Variants in MOSPD1 observed in about 807,000 individuals in gnomAD.
The protein encoded by MOSPD1 is motile sperm domain containing 1.
A neutral mutation model predicts 16.7 loss-of-function variants in MOSPD1; 5 were observed. The ratio of observed to expected loss-of-function variants is 0.30; its 90% CI spans 0.16 to 0.63. The LOEUF (loss-of-function observed/expected upper bound fraction) is 0.63. Among genes scored for constraint, MOSPD1 ranks in the 30% least tolerant of loss-of-function variants. The probability of loss-of-function intolerance (pLI) is 0.82; values close to 1 mark genes in which losing one functional copy is unlikely to be tolerated. For missense variants in MOSPD1, 104 were observed against 153.6 expected, an observed-to-expected ratio of 0.68 and a Z score of 1.71; for synonymous variants, 67 against 59.2, an observed-to-expected ratio of 1.13 and a Z score of -0.61.
chrX:134,891,463 T>G lies in MOSPD1; in HGVS notation c.610+16A>C. The G allele has an allele frequency of 8.3e-7, 1 of 1,205,897 alleles. No individual in the cohort carries two copies. Among genetic ancestry groups the G allele is most frequent in the Non-Finnish European group, 1.1e-6 (1 of 891,938 alleles). ...GCCCTACACATATGTCCCAAATGCA[T>G]CTTTAAAACCCTTACCTAAGATATA... On this transcript the variant is annotated intron_variant, in intron 5 of 5. Transcript: ENST00000370783.
At chrX:134,912,201 C>T (rs995750095) in intron 1 of MOSPD1, among the ~76,000 whole-genome samples, 1 of 111,608 alleles carries the variant, frequency 9.0e-6, no homozygotes, top group Admixed American at 9.5e-5. Flanking sequence ...AGGCATGCGC[C>T]CCACGCCTGC....
At position 134,891,660 on chromosome X, in the gene MOSPD1, C is replaced by T. The variant is rs1236748186; in HGVS notation, c.449-20G>A. 1 of 1,200,308 alleles carries T rather than the reference C, an allele frequency of 8.3e-7. No homozygotes were observed. Among genetic ancestry groups the T allele is most frequent in the Admixed American group, 2.3e-5 (1 of 43,833 alleles). On this transcript the variant is annotated intron_variant, in intron 4 of 5. Transcript: ENST00000370783. Reference sequence around the variant, plus strand: ...TGTTTTCTGTAAAAAGACAAAAATCCCTAAGCTTCCTTCTAAAAACTTTAA... The same window carrying T: ...TGTTTTCTGTAAAAAGACAAAAATCTCTAAGCTTCCTTCTAAAAACTTTAA...
At chrX:134,895,813 C>T (rs1163811511) in intron 4 of MOSPD1, among the ~76,000 whole-genome samples, 1 of 110,271 alleles carries the variant, frequency 9.1e-6, no homozygotes, top group African/African-American at 3.3e-5. Context: ...TGGCAAAAAT[C>T]GCAATTGCTT....
intron 3 of MOSPD1, among the ~76,000 whole-genome samples, chrX:134,898,232 G>A (rs779113561): frequency 5.4e-5 from 6 of 111,212 alleles, no homozygotes; most frequent in South Asian, 7.5e-4. Context: ...TATTTTGTTC[G>A]TACTAGGGAA....
chrX:134,897,048 A>G lies in MOSPD1; in HGVS notation c.231-14T>C. 8.8e-7 allele frequency: 1 copy of G among 1,132,511 alleles called. No homozygotes were observed. Among genetic ancestry groups the G allele is most frequent in the Non-Finnish European group, 1.2e-6 (1 of 828,202 alleles). 93.3% of individuals were successfully genotyped at this position (1,132,511 alleles called of 1,213,427 possible). On this transcript the variant is annotated splice_polypyrimidine_tract_variant and intron_variant, in intron 3 of 5. Coordinates refer to ENST00000370783, the MANE Select transcript of MOSPD1 (RefSeq NM_019556.3). ...TGACGAATCACACTGAAAACAGCAA[A>G]AATAACAAATGCTGTTTAGATTTCT...
chrX:134,902,784 A>AT (rs1468006840), intron 1 of MOSPD1, among the ~76,000 whole-genome samples: 1 of 104,188 alleles, frequency 9.6e-6, no homozygotes, highest in Non-Finnish European at 1.9e-5. Context: ...ACAAACTGAG[A>AT]TTTTGTCTCA....
At chrX:134,907,158 G>T (rs780473070) in intron 1 of MOSPD1, among the ~76,000 whole-genome samples, 8 of 110,689 alleles carry the variant, frequency 7.2e-5, no homozygotes, top group Non-Finnish European at 1.3e-4. Flanking sequence ...AATCCGGGAG[G>T]TGGAGGTTGT....
At chrX:134,892,036 A>C (rs1268844726) in intron 4 of MOSPD1, among the ~76,000 whole-genome samples, 3 of 112,141 alleles carry the variant, frequency 2.7e-5, no homozygotes, top group Non-Finnish European at 5.6e-5. Flanking sequence ...TTTTGGAAGA[A>C]TGTGCTAAAA....
Position 134,899,478 on chromosome X carries a change from A to C in MOSPD1, c.-45T>G. 1 of 1,097,061 alleles carries C rather than the reference A, an allele frequency of 9.1e-7. No individual in the cohort carries two copies. Among genetic ancestry groups the C allele is most frequent in the Non-Finnish European group, 1.2e-6 (1 of 837,277 alleles). 90.4% of individuals were successfully genotyped at this position (1,097,061 alleles called of 1,213,427 possible). ...CTGCAGTTTCTGTTTTTACAGTCTC[A>C]AATCTATTTTGGACTTTTCTTAGAT... On this transcript the variant is annotated 5_prime_UTR_variant, in exon 2 of 6. Transcript: ENST00000370783.
At chrX:134,902,844 T>TTA (rs1396152844) in intron 1 of MOSPD1, among the ~76,000 whole-genome samples, 4 of 89,880 alleles carry the variant, frequency 4.5e-5, no homozygotes, top group African/African-American at 1.3e-4. Context: ...GTTCCTGGGT[T>TTA]TATACAAAAA....
chrX:134,892,640 T>A (rs909352041), intron 4 of MOSPD1, among the ~76,000 whole-genome samples: 1 of 112,440 alleles, frequency 8.9e-6, no homozygotes, highest in African/African-American at 3.2e-5. Context: ...ACGCCTGTAA[T>A]CCTAGCACTT....
chrX:134,904,453 T>C (rs1021877230), intron 1 of MOSPD1, among the ~76,000 whole-genome samples: 12 of 112,082 alleles, frequency 1.1e-4, no homozygotes, highest in Admixed American at 1.0e-3. Flanking sequence ...TGTGAAGTCA[T>C]GTAGGTGAAA....
chrX:134,902,259 T>C (rs1213241395), intron 1 of MOSPD1, among the ~76,000 whole-genome samples: 1 of 109,362 alleles, frequency 9.1e-6, no homozygotes, highest in Non-Finnish European at 1.9e-5. Flanking sequence ...AATACAAAAT[T>C]AGCCACGTGT....
intron 3 of MOSPD1, among the ~76,000 whole-genome samples, chrX:134,898,515 C>T (rs1158888307): frequency 9.0e-6 from 1 of 111,605 alleles, no homozygotes; most frequent in Non-Finnish European, 1.9e-5. Flanking sequence ...ACCACTAGTT[C>T]TAAAATAAAA....
At chrX:134,889,836 C>A (rs1042997456) in intron 5 of MOSPD1, among the ~76,000 whole-genome samples, 5 of 110,573 alleles carry the variant, frequency 4.5e-5, no homozygotes, top group African/African-American at 1.6e-4. Context: ...TTTGGGAGGC[C>A]GGGGCAGGTG....
chrX:134,900,052 G>A, intron 1 of MOSPD1: 1 of 111,801 alleles, frequency 8.9e-6, no homozygotes, highest in East Asian at 2.8e-4. Context: ...GTTTATACAT[G>A]CTCCTTTCAC....
intron 4 of MOSPD1, among the ~76,000 whole-genome samples, chrX:134,894,068 T>G (rs971269923): frequency 1.2e-4 from 13 of 111,713 alleles, no homozygotes; most frequent in Admixed American, 8.7e-4. Flanking sequence ...TTCCCTTAAT[T>G]TAACAGTTAA....
chrX:134,902,534 T>A (rs2082917234), intron 1 of MOSPD1, among the ~76,000 whole-genome samples: 1 of 111,322 alleles, frequency 9.0e-6, no homozygotes, highest in African/African-American at 3.3e-5. Context: ...GGCTCATGCC[T>A]GTAATCCAAG....
intron 1 of MOSPD1, among the ~76,000 whole-genome samples, chrX:134,909,820 A>C (rs1472265876): frequency 8.9e-6 from 1 of 111,991 alleles, no homozygotes; most frequent in East Asian, 2.8e-4. Flanking sequence ...TTAACTAATG[A>C]GATTGACTGC....
Sources: gnomAD v4.1 joint callset for allele counts (sites outside exome capture counted in the v4.1 genomes callset) on GRCh38, gnomAD v4.1.1 for gene constraint, MANE v1.5 for transcripts, NCBI Gene and HGNC (gene_info 2026-07-23, HGNC 2026-07-21) for gene names.